RPA3: variants seen among roughly 807,000 people sequenced by gnomAD.
The protein encoded by RPA3 is replication protein A3, also known as replication protein A 14 kDa subunit.
Under a neutral mutation model 13.7 loss-of-function variants are expected in RPA3, and 24 were observed. That is an observed-to-expected ratio of 1.75 (90% CI 1.27 to 2.46). The LOEUF (loss-of-function observed/expected upper bound fraction) is 2.46. Among genes scored for constraint, RPA3 ranks in the 30% most tolerant of loss-of-function variants. The pLI, the probability that RPA3 is intolerant of heterozygous loss-of-function variation, is 0.00. For missense variants in RPA3, 183 were observed against 151.0 expected (o/e 1.21, Z -1.11); for synonymous variants, 59 against 51.2 (o/e 1.15, Z -0.65).
chr7:7,657,493 G>C (rs1027078812), intron 4 of RPA3, among the ~76,000 whole-genome samples: 4 of 152,130 alleles, frequency 2.6e-5, no homozygotes, highest in African/African-American at 9.7e-5. Flanking sequence ...TTTTGTATAA[G>C]GTGTAAGGGA....
chr7:7,665,972 A>T (rs1779443131), intron 4 of RPA3, among the ~76,000 whole-genome samples: 1 of 151,660 alleles, frequency 6.6e-6, no homozygotes, highest in South Asian at 2.1e-4. Flanking sequence ...TTGGTTATTA[A>T]AAAAAAAGTT....
intron 4 of RPA3, among the ~76,000 whole-genome samples, chr7:7,667,497 TATG>T (rs1462540097): frequency 1.3e-5 from 2 of 152,166 alleles, no homozygotes; most frequent in African/African-American, 4.8e-5. Context: ...GCCTCAGAAA[TATG>T]ATGGGCAGAG....
rs75967892 is a variant in RPA3, at chr7:7,695,908, G to A, written c.-1027-8580C>T. 2.1e-3 allele frequency among the ~76,000 whole-genome samples: 312 copies of A among 151,776 alleles called. 9 individuals carry two copies. In the East Asian group the frequency reaches 0.055, roughly 27 times the overall value. The stretch of plus-strand genomic sequence containing the variant: ...GATTTAGTATCCAACCATGGCAGGA[G>A]TGTGAAACAGTGAGATGGATCATTG... On this transcript the variant is annotated intron_variant, in intron 2 of 7. Transcript: ENST00000223129.
At chr7:7,643,979 C>T (rs6974232) in intron 4 of RPA3, among the ~76,000 whole-genome samples, 47,571 of 151,862 alleles carry the variant, frequency 0.31, 9,492 homozygotes, top group East Asian at 0.79. Flanking sequence ...GATAGGCCAC[C>T]GGTAACTTGG....
At chr7:7,656,207 C>T (rs1314662081) in intron 4 of RPA3, among the ~76,000 whole-genome samples, 4 of 151,870 alleles carry the variant, frequency 2.6e-5, no homozygotes, top group South Asian at 4.2e-4. Flanking sequence ...GTAAAAGCTG[C>T]GTGGTTCTGA....
chr7:7,654,952 A>AT (rs369021323), intron 4 of RPA3, among the ~76,000 whole-genome samples: 81 of 150,558 alleles, frequency 5.4e-4, no homozygotes, highest in African/African-American at 1.9e-3. Flanking sequence ...ACTGTTTTTT[A>AT]TTTTTTTGAC....
At chr7:7,673,720 T>TCCACAG (rs1779671405) in intron 4 of RPA3, among the ~76,000 whole-genome samples, 1 of 152,084 alleles carries the variant, frequency 6.6e-6, no homozygotes, top group Non-Finnish European at 1.5e-5. Context: ...CCTTTTTTTT[T>TCCACAG]TTAACTGTGG....
chr7:7,698,972 A>G (rs1780385267), intron 2 of RPA3, among the ~76,000 whole-genome samples: 1 of 147,148 alleles, frequency 6.8e-6, no homozygotes, highest in South Asian at 2.1e-4. Flanking sequence ...CTCCCACTTC[A>G]GCCCCCCAAG....
intron 4 of RPA3, among the ~76,000 whole-genome samples, chr7:7,659,165 T>C (rs569335336): frequency 6.6e-6 from 1 of 152,322 alleles, no homozygotes; most frequent in African/African-American, 2.4e-5. Flanking sequence ...CTTTATCATT[T>C]TTTATTGCAT....
intron 4 of RPA3, among the ~76,000 whole-genome samples, chr7:7,678,612 TA>T (rs1779817929): frequency 7.5e-6 from 1 of 133,348 alleles, no homozygotes; most frequent in Admixed American, 7.8e-5. Flanking sequence ...TATAGATAAA[TA>T]TATATTTATA....
rs375990113 is a variant in RPA3 at position 7,640,463 on chromosome 7, T to A, written c.-45A>T. The A allele has an allele frequency of 6.4e-7, 1 of 1,574,412 alleles. No homozygotes were observed. Among genetic ancestry groups the A allele is most frequent in the East Asian group, 2.2e-5 (1 of 44,574 alleles). The stretch of plus-strand genomic sequence containing the variant: ...GGCTGGCGGGAAACCCACGGACGAC[T>A]GAAACTGTGCGCCCCGCGGGTGTCT... On this transcript the variant is annotated 5_prime_UTR_variant, in exon 5 of 8. Transcript: ENST00000223129.
At position 7,673,603 on chromosome 7, in the gene RPA3, G is replaced by C. The variant is rs1046650635; in HGVS notation, c.-758+12227C>G. On this transcript the variant is annotated intron_variant, in intron 4 of 7. Transcript: ENST00000223129. Reference sequence around the variant, plus strand: ...TTTAAAGCGTAAAATCTGTAAAGATGAAAGTCATCAATTACTTGGAATAGT... The same window carrying C: ...TTTAAAGCGTAAAATCTGTAAAGATCAAAGTCATCAATTACTTGGAATAGT... The C allele has an allele frequency of 4.2e-5, 25 of 599,810 alleles. No individual in the cohort carries two copies. The African/African-American group carries it at 4.4e-4, about 11-fold the overall frequency. The allele number at this position is 599,810 out of a possible 1,614,324, so 37.2% of individuals were successfully genotyped here.
At chr7:7,656,509 C>T (rs1451272564) in intron 4 of RPA3, among the ~76,000 whole-genome samples, 1 of 152,084 alleles carries the variant, frequency 6.6e-6, no homozygotes, top group East Asian at 1.9e-4. Flanking sequence ...ATGTTCCCCT[C>T]CCTGTGTCCA....
intron 4 of RPA3, among the ~76,000 whole-genome samples, chr7:7,677,353 C>A (rs1779767543): frequency 6.6e-6 from 1 of 152,066 alleles, no homozygotes; most frequent in South Asian, 2.1e-4. Flanking sequence ...TTCCTTCTAT[C>A]TAACTGTATT....
chr7:7,703,033 C>T (rs1223035943), intron 2 of RPA3, among the ~76,000 whole-genome samples: 1 of 152,220 alleles, frequency 6.6e-6, no homozygotes, highest in African/African-American at 2.4e-5. Flanking sequence ...AGAATGCCTT[C>T]AGCTAGTCTT....
At chr7:7,668,520 A>G (rs1166029884) in intron 4 of RPA3, among the ~76,000 whole-genome samples, 1 of 152,200 alleles carries the variant, frequency 6.6e-6, no homozygotes. Context: ...ATTAAACTTT[A>G]TCATAGATGT....
At chr7:7,668,818 A>G (rs1426125334) in intron 4 of RPA3, among the ~76,000 whole-genome samples, 1 of 152,246 alleles carries the variant, frequency 6.6e-6, no homozygotes, top group Non-Finnish European at 1.5e-5. Context: ...TAAGTGCTAC[A>G]GCTGGCCAGA....
At chr7:7,687,981 T>C (rs1185606952) in intron 2 of RPA3, among the ~76,000 whole-genome samples, 1 of 152,210 alleles carries the variant, frequency 6.6e-6, no homozygotes. Context: ...AAATAGCTTG[T>C]TGATGGATGG....
intron 2 of RPA3, chr7:7,692,558 T>G: frequency 6.6e-6 from 1 of 152,182 alleles, no homozygotes; most frequent in East Asian, 1.9e-4. Context: ...TCCCTTTGCC[T>G]TAGAAATTCC....
Sources: allele counts gnomAD v4.1 joint callset (sites outside exome capture counted in the v4.1 genomes callset), GRCh38; gene constraint gnomAD v4.1.1; transcripts MANE v1.5; gene names NCBI Gene and HGNC (gene_info 2026-07-23, HGNC 2026-07-21).